TTC3: variants seen among roughly 807,000 people sequenced by gnomAD.
TTC3 encodes the protein E3 ubiquitin-protein ligase TTC3.
TTC3 carries 180 observed loss-of-function variants against 249.6 expected under a neutral mutation model. That is an observed-to-expected ratio of 0.72 (90% CI 0.64 to 0.82). The LOEUF (loss-of-function observed/expected upper bound fraction) is 0.82. Ranked by LOEUF, TTC3 falls within the 40% of genes least tolerant of loss-of-function variation. The pLI is 0.00. For missense variants in TTC3, 2,061 were observed against 2,398.4 expected (o/e 0.86, Z 2.94); for synonymous variants, 717 against 805.0 (o/e 0.89, Z 1.85).
At chr21:37,174,807 C>T (rs1277003354) in intron 35 of TTC3, among the ~76,000 whole-genome samples, 1 of 152,124 alleles carries the variant, frequency 6.6e-6, no homozygotes, top group East Asian at 1.9e-4. Context: ...GTATTGTCTA[C>T]TTCACAGCTT....
At chr21:37,147,411 T>C in intron 21 of TTC3, 70 bp from the exon 22 acceptor site, 2 of 1,409,472 alleles carry the variant, frequency 1.4e-6, no homozygotes, top group Non-Finnish European at 1.9e-6. Context: ...CAAGAGGTTA[T>C]TGAAATCACA....
In TTC3 at chr21:37,088,378, G is replaced by T. The variant is rs780071217; in HGVS notation, c.338+32G>T. 7 of 1,589,686 alleles carry T rather than the reference G, an allele frequency of 4.4e-6. No homozygotes were observed. The South Asian group carries it at 6.9e-5, about 16-fold the overall frequency. ...TACTATATGTTGCTCATTTTGTGTG[G>T]ACAGTGATAAACATGTTACCCAATA... On this transcript the variant is annotated intron_variant, in intron 4 of 45. Coordinates refer to ENST00000355666, the Ensembl canonical transcript of TTC3.
intron 5 of TTC3, among the ~76,000 whole-genome samples, chr21:37,090,028 T>A (rs1268636016): frequency 1.3e-5 from 2 of 152,112 alleles, no homozygotes; most frequent in East Asian, 3.9e-4. Flanking sequence ...TACTAAGTTA[T>A]TTTACTGCTA....
At chr21:37,188,364 G>GTTCTGATGA (rs1293595550) in intron 38 of TTC3, 131 bp from the exon 39 acceptor site, 9 of 626,072 alleles carry the variant, frequency 1.4e-5, no homozygotes, top group Non-Finnish European at 2.5e-5. Context: ...ATACAATCAA[G>GTTCTGATGA]TTCTGATGAT....
intron 9 of TTC3, among the ~76,000 whole-genome samples, chr21:37,095,972 A>G (rs1473036691): frequency 6.6e-6 from 1 of 152,146 alleles, no homozygotes; most frequent in African/African-American, 2.4e-5. Context: ...AGGCCGCCTA[A>G]TATTGTAGCA....
intron 11 of TTC3, among the ~76,000 whole-genome samples, chr21:37,115,225 TAATTAA>T (rs985220551): frequency 6.8e-6 from 1 of 148,010 alleles, no homozygotes; most frequent in Non-Finnish European, 1.5e-5. Context: ...TATTTCCTAG[TAATTAA>T]AATTGTAGGG....
exon 9 of TTC3, chr21:37,095,398 A>G (rs775355692): frequency 2.5e-6 from 4 of 1,608,906 alleles, no homozygotes; most frequent in Non-Finnish European, 3.4e-6. Flanking sequence ...TTCCAAAGAA[A>G]GATTTGATAT....
chr21:37,156,814 A>C, exon 28 of TTC3: 1 of 1,614,148 alleles, frequency 6.2e-7, no homozygotes, highest in Non-Finnish European at 8.5e-7. Flanking sequence ...GCATCATTGA[A>C]GGAAGCCCGT....
At position 37,106,498 on chromosome 21, in the gene TTC3, A is replaced by G. The variant is rs137885239; in HGVS notation, c.846-1894A>G. 5.2e-3 allele frequency among the ~76,000 whole-genome samples: 797 copies of G among 152,250 alleles called. 9 individuals carry two copies. The highest frequency in any genetic ancestry group is 0.017 in the African/African-American group (709 of 41,532). ...CCATTCAAAGGTCACCAGATTTTCT[A>G]TGTTTCATCTAAAGGTTTAATTGTT... On this transcript the variant is annotated intron_variant, in intron 10 of 45. Coordinates refer to ENST00000355666, the Ensembl canonical transcript of TTC3.
chr21:37,169,855 A>G (rs2081589561), intron 34 of TTC3, among the ~76,000 whole-genome samples: 1 of 151,602 alleles, frequency 6.6e-6, no homozygotes, highest in Non-Finnish European at 1.5e-5. Flanking sequence ...CTCAAAAAAA[A>G]AAAAACAAAA....
Position 37,109,956 on chromosome 21 carries a change from C to A in TTC3, c.900+1510C>A, listed in dbSNP as rs182725022. ...GCTGATACCCAGGCAAACAGGGTCT[C>A]GAGTGGACCTCCAGTAAACTCCAAC... On this transcript the variant is annotated intron_variant, in intron 11 of 45. Coordinates refer to ENST00000355666, the Ensembl canonical transcript of TTC3. Among the ~76,000 whole-genome samples the A allele has an allele frequency of 1.5e-3, 224 of 152,234 alleles. 3 individuals carry two copies. Among genetic ancestry groups the A allele is most frequent in the East Asian group, 0.013 (67 of 5,166 alleles).
Position 37,123,068 on chromosome 21 carries a change from T to A in TTC3, c.1109+40T>A, listed in dbSNP as rs759229914. On this transcript the variant is annotated intron_variant, in intron 13 of 45. Coordinates refer to ENST00000355666, the Ensembl canonical transcript of TTC3. ...GGTCAGTAGCTGCTACTACTAGGAA[T>A]GGCTTTGCTGCATGAATTTAAGAAT... The A allele has an allele frequency of 3.1e-6, 5 of 1,595,218 alleles. No individual in the cohort carries two copies. The African/African-American group carries it at 6.7e-5, about 21-fold the overall frequency.
At chr21:37,098,866 T>C (rs1205381384) in intron 10 of TTC3, 1 of 152,150 alleles carries the variant, frequency 6.6e-6, no homozygotes, top group African/African-American at 2.4e-5. Context: ...TCTGAGTTAC[T>C]GAGATTAAGA....
At chr21:37,075,205 T>C (rs900813207) in intron 1 of TTC3, among the ~76,000 whole-genome samples, 4 of 151,622 alleles carry the variant, frequency 2.6e-5, no homozygotes, top group Non-Finnish European at 5.9e-5. Flanking sequence ...TTGAGGTTTA[T>C]ATATGAACAA....
At chr21:37,202,934 A>T (rs1325886103) in exon 46 of TTC3, 1 of 152,198 alleles carries the variant, frequency 6.6e-6, no homozygotes, top group East Asian at 1.9e-4. Context: ...TATCCATAAG[A>T]ATTGAGCGCT....
intron 1 of TTC3, among the ~76,000 whole-genome samples, chr21:37,078,695 C>T (rs540525513): frequency 6.6e-6 from 1 of 151,970 alleles, no homozygotes; most frequent in Non-Finnish European, 1.5e-5. Context: ...AATATTTTTT[C>T]TGAAATTCCT....
Position 37,077,082 on chromosome 21 carries a change from A to G in TTC3, c.-12+3718A>G, listed in dbSNP as rs115642610. On this transcript the variant is annotated intron_variant, in intron 1 of 45. Transcript: ENST00000355666. Reference sequence around the variant, plus strand: ...TTCCCCATCCATTTCCTTAAGAGAGATATTTCCAATAAAGTTGCTTTTTTT... The same window carrying G: ...TTCCCCATCCATTTCCTTAAGAGAGGTATTTCCAATAAAGTTGCTTTTTTT... Among the ~76,000 whole-genome samples, 610 of 143,514 alleles carry G rather than the reference A, an allele frequency of 4.3e-3. 5 individuals are homozygous for G. Among genetic ancestry groups the G allele is most frequent in the African/African-American group, 0.015 (578 of 39,640 alleles). The allele number at this position is 143,514 out of a possible 152,430, so 94.2% of individuals were successfully genotyped here.
At chr21:37,081,343 C>G (rs770661904) in intron 1 of TTC3, among the ~76,000 whole-genome samples, 3 of 152,060 alleles carry the variant, frequency 2.0e-5, no homozygotes, top group Non-Finnish European at 2.9e-5. Context: ...GTCTTGATCT[C>G]TTGACCTCGT....
At chr21:37,179,110 CA>C (rs1318895603) in intron 35 of TTC3, among the ~76,000 whole-genome samples, 1 of 151,820 alleles carries the variant, frequency 6.6e-6, no homozygotes, top group Non-Finnish European at 1.5e-5. Context: ...TCACTCGCTA[CA>C]AAAAAATTAA....
Sources: allele counts gnomAD v4.1 joint callset (sites outside exome capture counted in the v4.1 genomes callset), GRCh38; gene constraint gnomAD v4.1.1; transcripts MANE v1.5; gene names NCBI Gene and HGNC (gene_info 2026-07-23, HGNC 2026-07-21).